Variants in RNF213 observed in about 807,000 individuals in gnomAD.
RNF213 encodes E3 ubiquitin-protein ligase RNF213.
RNF213 carries 341 observed loss-of-function variants against 514.4 expected under a neutral mutation model. The ratio of observed to expected loss-of-function variants is 0.66; its 90% CI spans 0.61 to 0.73. The LOEUF (loss-of-function observed/expected upper bound fraction) is 0.73. Among genes scored for constraint, RNF213 ranks in the 30% least tolerant of loss-of-function variants. The probability of loss-of-function intolerance (pLI) is 0.00; values close to 1 mark genes in which losing one functional copy is unlikely to be tolerated. For synonymous variants in RNF213, 2,655 were observed against 2,658.2 expected (o/e 1.00, Z 0.04); for missense variants, 5,767 against 6,615.6 (o/e 0.87, Z 4.45).
rs80088970 is a variant in RNF213 at position 80,324,526 on chromosome 17, G to A, written c.3025-504G>A. On this transcript the variant is annotated intron_variant, in intron 17 of 67. Transcript: ENST00000582970. ...AGTATCTATTATAAATTAACCTTGT[G>A]GTTTTTACTAATTACTGAAATGTTT... 3.6e-3 allele frequency among the ~76,000 whole-genome samples: 548 copies of A among 150,902 alleles called. 30 individuals are homozygous for A. In the East Asian group the frequency reaches 0.09, roughly 25 times the overall value.
intron 63 of RNF213, among the ~76,000 whole-genome samples, chr17:80,388,352 C>T (rs1293589171): frequency 6.6e-6 from 1 of 152,216 alleles, no homozygotes; most frequent in Non-Finnish European, 1.5e-5. Context: ...TGCCCTAGCG[C>T]CTCCTGTGGC....
rs768429331 is a variant in RNF213, at chr17:80,348,088, T to C, written c.9753T>C (p.Ser3251=). The change falls in exon 29 of 68, where the codon TCT becomes TCC. Residue 3251 remains serine, a synonymous_variant. Coordinates refer to ENST00000582970, the MANE Select transcript of RNF213 (RefSeq NM_001256071.3). ...CGGAGGAACTTCACCAGAAGGTGTC[T>C]GAGGAGGCCAAATCGATCCTGCTGA... The part of the protein sequence containing the change: ...ALTEELHQKV[S]EEAKSILLNC... 1.2e-6 allele frequency: 2 copies of C among 1,614,132 alleles called. No homozygotes were observed. The highest frequency in any genetic ancestry group is 1.7e-5 in the Admixed American group (1 of 60,034).
chr17:80,289,552 T>C, intron 5 of RNF213, 107 bp from the exon 6 acceptor site: 1 of 1,220,854 alleles, frequency 8.2e-7, no homozygotes, highest in South Asian at 1.3e-5. Context: ...ATCGCAGTAC[T>C]GCACTCCAGC....
At chr17:80,372,414 ATTC>A in intron 47 of RNF213, 104 bp from the exon 48 acceptor site, 3 of 807,868 alleles carry the variant, frequency 3.7e-6, no homozygotes, top group Non-Finnish European at 6.2e-6. Flanking sequence ...CTACAGTAAC[ATTC>A]TTCTATCCTT....
At position 80,317,346 on chromosome 17, in the gene RNF213, AC is replaced by A; in HGVS notation, c.2901+70del. The A allele has an allele frequency of 7.1e-7, 1 of 1,414,922 alleles. No homozygotes were observed. 87.6% of individuals were successfully genotyped at this position (1,414,922 alleles called of 1,614,324 possible). A position where few individuals can be genotyped will look rare whatever the true frequency, so the allele number is the denominator to read the frequency against. On this transcript the variant is annotated intron_variant, in intron 16 of 67. Transcript: ENST00000582970. This position sits in a 1 kb window ranked among gnomAD's most constrained non-coding sequence, Gnocchi z 4.1. Reference sequence around the variant, plus strand: ...GCTGGAGAACCCCAGACCATTAGCGACAGCCAAGAGATCTCAGCAGTGCCTC... The same window carrying A: ...GCTGGAGAACCCCAGACCATTAGCGAAGCCAAGAGATCTCAGCAGTGCCTC...
At chr17:80,363,043 G>T (rs1220586173) in intron 39 of RNF213, 59 bp from the exon 40 acceptor site, 1 of 1,468,618 alleles carries the variant, frequency 6.8e-7, no homozygotes, top group Non-Finnish European at 9.4e-7. Context: ...TTTCCCACGG[G>T]GAAAACATAC....
intron 11 of RNF213, among the ~76,000 whole-genome samples, chr17:80,302,191 C>T (rs1165640684): frequency 6.6e-6 from 1 of 151,992 alleles, no homozygotes; most frequent in Non-Finnish European, 1.5e-5. Flanking sequence ...CTAGATAGGA[C>T]GAGTAAGTTC....
In RNF213 at chr17:80,347,749, C is replaced by G. The variant is rs780190971; in HGVS notation, c.9414C>G (p.Val3138=). ...YVDLGLGTHR[V]KCRVHPNFRL... is the part of the protein sequence containing the mutation. ...ACCTCGGTCTGGGGACCCACCGCGT[C>G]AAATGTCGGGTTCACCCCAACTTCC... is the stretch of plus-strand genomic sequence containing the variant. The change falls in exon 29 of 68, where the codon GTC becomes GTG. Residue 3138 remains valine (V), a synonymous_variant. Coordinates refer to ENST00000582970, the MANE Select transcript of RNF213 (RefSeq NM_001256071.3). The surrounding 1 kb of genome is among the most constrained non-coding windows in gnomAD (Gnocchi z 7.2). 7.0e-5 allele frequency: 113 copies of G among 1,614,024 alleles called. No individual in the cohort carries two copies. In the East Asian group the frequency reaches 2.4e-3, roughly 35 times the overall value.
chr17:80,346,891 A>G lies in RNF213; in HGVS notation c.8556A>G (p.Ser2852=). ...ATGAGGTGGGGCTGGCGGAAGACTC[A>G]CCCAAAATGCCCCTGAAGACTCTGC... ...VLDEVGLAED[S]PKMPLKTLHP... The change falls in exon 29 of 68, where the codon TCA becomes TCG. Residue 2852 remains serine, a synonymous_variant. Coordinates refer to ENST00000582970, the MANE Select transcript of RNF213 (RefSeq NM_001256071.3). The surrounding 1 kb of genome is among the most constrained non-coding windows in gnomAD (Gnocchi z 8.1). The G allele has an allele frequency of 6.2e-7, 1 of 1,613,906 alleles. No individual in the cohort carries two copies. Among genetic ancestry groups the G allele is most frequent in the Non-Finnish European group, 8.5e-7 (1 of 1,179,904 alleles).
At chr17:80,268,650 T>TCTAC (rs2043695152) in intron 2 of RNF213, among the ~76,000 whole-genome samples, 1 of 151,438 alleles carries the variant, frequency 6.6e-6, no homozygotes. Flanking sequence ...TATCTGTCTA[T>TCTAC]CTATCTGTCA....
At chr17:80,305,617 CT>C (rs35037970) in intron 11 of RNF213, among the ~76,000 whole-genome samples, 89 of 145,548 alleles carry the variant, frequency 6.1e-4, no homozygotes, top group Non-Finnish European at 6.0e-4. Context: ...TTTTTCTTTC[CT>C]TTTTTTTTTT....
At position 80,347,869 on chromosome 17, in the gene RNF213, G is replaced by A. The variant is rs117159774; in HGVS notation, c.9534G>A (p.Thr3178=). 3.0e-4 allele frequency: 477 copies of A among 1,614,238 alleles called. No homozygotes were observed. Among genetic ancestry groups the A allele is most frequent in the Non-Finnish European group, 3.8e-4 (446 of 1,180,050 alleles). Reference sequence around the variant, plus strand: ...AGAAGCACTATCTGGATATCAACACGGTGCTGGAGAAATGGCAGAAGAGCA... The same window carrying A: ...AGAAGCACTATCTGGATATCAACACAGTGCTGGAGAAATGGCAGAAGAGCA... The part of the protein sequence containing the change: ...RLEKHYLDIN[T]VLEKWQKSIV... The change falls in exon 29 of 68, where the codon ACG becomes ACA. Residue 3178 remains threonine (T), a synonymous_variant. Transcript: ENST00000582970. This position sits in a 1 kb window ranked among gnomAD's most constrained non-coding sequence, Gnocchi z 7.2.
intron 36 of RNF213, 154 bp downstream of exon 36, chr17:80,354,730 A>C: frequency 1.1e-6 from 1 of 920,360 alleles, no homozygotes; most frequent in Non-Finnish European, 1.7e-6. Flanking sequence ...TTCCCCAAGA[A>C]GCACACAGTA....
chr17:80,334,925 CT>C (rs79024264), intron 22 of RNF213, among the ~76,000 whole-genome samples: 181 of 123,348 alleles, frequency 1.5e-3, no homozygotes, highest in South Asian at 3.6e-3. Context: ...TGCACCTGGC[CT>C]TTTTTTTTTT....
At chr17:80,342,139 CT>C (rs2078171504) in intron 26 of RNF213, 1 of 152,360 alleles carries the variant, frequency 6.6e-6, no homozygotes, top group African/African-American at 2.4e-5. Flanking sequence ...CGTGTCACAG[CT>C]CCCCACTGTA....
chr17:80,334,727 C>T (rs554314500), intron 22 of RNF213, among the ~76,000 whole-genome samples: 3 of 149,752 alleles, frequency 2.0e-5, no homozygotes, highest in Non-Finnish European at 3.0e-5. Flanking sequence ...CCCGGGTTCA[C>T]GCCATTCTCT....
rs35429770 is a variant in RNF213, at chr17:80,316,769, C to G, written c.2812-419C>G. Reference sequence around the variant, plus strand: ...AGAAAATGCTCATTTGTGCAGAGTCCGAAGAGGGAGCACAGAGGAGAGAGG... The same window carrying G: ...AGAAAATGCTCATTTGTGCAGAGTCGGAAGAGGGAGCACAGAGGAGAGAGG... On this transcript the variant is annotated intron_variant, in intron 15 of 67. Coordinates refer to ENST00000582970, the MANE Select transcript of RNF213 (RefSeq NM_001256071.3). 7 of 319,634 alleles carry G rather than the reference C, an allele frequency of 2.2e-5. No individual in the cohort carries two copies. The East Asian group carries it at 5.5e-4, about 25-fold the overall frequency. The allele number at this position is 319,634 out of a possible 1,614,324, so 19.8% of individuals were successfully genotyped here.
rs2044547720 is a variant in RNF213, at chr17:80,288,196, G to C, written c.643G>C (p.Gly215Arg). Reference sequence around the variant, plus strand: ...CGCTTCCATCCCCTCTGGGGGCAGAGGCCTGTCCCAGGAGGGGACCGGTCC... The same window carrying C: ...CGCTTCCATCCCCTCTGGGGGCAGACGCCTGTCCCAGGAGGGGACCGGTCC... ...QDASIPSGGRGLSQEGTGPPT... is the reference protein window; with the variant it reads ...QDASIPSGGRRLSQEGTGPPT... Residue 215 changes from glycine to arginine, a missense_variant, in exon 4 of 68, where the codon GGC (glycine) becomes CGC (arginine). Around this residue, in one of 13 missense-constraint regions of RNF213, gnomAD observed 509 missense variants for 496.7 expected, o/e 1.02. Transcript: ENST00000582970. The surrounding 1 kb of genome is among the most constrained non-coding windows in gnomAD (Gnocchi z 4.9). 1 of 1,612,602 alleles carries C rather than the reference G, an allele frequency of 6.2e-7. No homozygotes were observed. Among genetic ancestry groups the C allele is most frequent in the South Asian group, 1.1e-5 (1 of 91,082 alleles).
At chr17:80,276,424 T>G (rs1238746917) in intron 3 of RNF213, among the ~76,000 whole-genome samples, 2 of 152,190 alleles carry the variant, frequency 1.3e-5, no homozygotes, top group African/African-American at 4.8e-5. Flanking sequence ...TTTTTAATGT[T>G]TTAAATTTTT....
Sources: allele counts gnomAD v4.1 joint callset (sites outside exome capture counted in the v4.1 genomes callset), GRCh38; gene constraint gnomAD v4.1.1; regional missense constraint gnomAD v4.1.1; non-coding constraint Gnocchi (gnomAD v3.1); transcripts MANE v1.5; gene names NCBI Gene and HGNC (gene_info 2026-07-23, HGNC 2026-07-21).